The following RGS18 variants were observed in gnomAD, a reference collection of about 807,000 sequenced individuals.
The protein encoded by RGS18 is regulator of G-protein signaling 18.
Under a neutral mutation model 27.6 loss-of-function variants are expected in RGS18, and 22 were observed. The ratio of observed to expected loss-of-function variants is 0.80; its 90% confidence interval spans 0.57 to 1.14. The LOEUF is 1.14. Ranked by LOEUF, RGS18 falls within the 50% of genes most tolerant of loss-of-function variation. The probability of loss-of-function intolerance (pLI) is 0.00; values close to 1 mark genes in which losing one functional copy is unlikely to be tolerated. For missense variants in RGS18, 299 were observed against 269.6 expected, an observed-to-expected ratio of 1.11 and a Z score of -0.76; for synonymous variants, 89 against 84.6, an observed-to-expected ratio of 1.05 and a Z score of -0.29.
intron 3 of RGS18, among the ~76,000 whole-genome samples, chr1:192,165,022 C>A (rs922357048): frequency 3.3e-5 from 5 of 152,164 alleles, no homozygotes; most frequent in African/African-American, 1.2e-4. Context: ...CCGGGCAGGA[C>A]AGTCATATTT....
intron 2 of RGS18, 107 bp downstream of exon 2, chr1:192,159,428 T>C (rs1656032511): frequency 1.4e-6 from 1 of 707,336 alleles, no homozygotes; most frequent in Non-Finnish European, 2.4e-6. Context: ...TACACAGCAA[T>C]ATAAGGAAAG....
chr1:192,180,783 C>CCT (rs376248290), intron 3 of RGS18, among the ~76,000 whole-genome samples: 40 of 151,726 alleles, frequency 2.6e-4, no homozygotes, highest in African/African-American at 8.9e-4. Flanking sequence ...CATACTCGGG[C>CCT]CTATGGGTAT....
chr1:192,175,165 G>T (rs1186140331), intron 3 of RGS18, among the ~76,000 whole-genome samples: 1 of 151,290 alleles, frequency 6.6e-6, no homozygotes, highest in Non-Finnish European at 1.5e-5. Context: ...TTTGTCTTAG[G>T]TCTTTTTTAA....
chr1:192,159,184 C>A, intron 1 of RGS18, 36 bp from the exon 2 acceptor site: 8 of 1,469,224 alleles, frequency 5.4e-6, no homozygotes, highest in Non-Finnish European at 7.6e-6. Flanking sequence ...TAACTGTCAT[C>A]TAAATTGTCC....
intron 3 of RGS18, among the ~76,000 whole-genome samples, chr1:192,160,993 GC>G (rs1656059945): frequency 1.3e-5 from 2 of 152,080 alleles, no homozygotes; most frequent in African/African-American, 4.8e-5. Flanking sequence ...GGGACTACAG[GC>G]TCCCGCCACC....
chr1:192,159,062 C>A (rs1167189481), intron 1 of RGS18, among the ~76,000 whole-genome samples, 158 bp from the exon 2 acceptor site: 1 of 151,814 alleles, frequency 6.6e-6, no homozygotes. Context: ...CGTATGTTAC[C>A]CTAATTCCTC....
At chr1:192,171,260 A>G (rs897787175) in intron 3 of RGS18, among the ~76,000 whole-genome samples, 1 of 152,186 alleles carries the variant, frequency 6.6e-6, no homozygotes, top group South Asian at 2.1e-4. Context: ...TAACTGAGCT[A>G]GAGAAAGAAG....
chr1:192,164,140 T>C (rs12141770), intron 3 of RGS18, among the ~76,000 whole-genome samples: 94,703 of 151,766 alleles, frequency 0.62, 30,968 homozygotes, highest in East Asian at 0.79. Context: ...CATCATAAAC[T>C]GATTATTAGC....
At chr1:192,179,198 G>A (rs913009060) in intron 3 of RGS18, among the ~76,000 whole-genome samples, 1 of 151,572 alleles carries the variant, frequency 6.6e-6, no homozygotes, top group African/African-American at 2.4e-5. Context: ...ATGCTGCCAA[G>A]TGGGAAGTCC....
intron 3 of RGS18, among the ~76,000 whole-genome samples, chr1:192,163,966 T>C (rs1002560172): frequency 6.6e-5 from 10 of 151,890 alleles, no homozygotes; most frequent in African/African-American, 2.2e-4. Flanking sequence ...TTTCCTTTTA[T>C]AAAATTTTAT....
intron 2 of RGS18, among the ~76,000 whole-genome samples, chr1:192,159,973 CT>C (rs1403336757): frequency 1.3e-5 from 2 of 151,922 alleles, no homozygotes; most frequent in African/African-American, 4.8e-5. Context: ...GTGGTTACAG[CT>C]TCAAGGAAAT....
chr1:192,174,520 G>T (rs934041126), intron 3 of RGS18, among the ~76,000 whole-genome samples: 1 of 151,840 alleles, frequency 6.6e-6, no homozygotes, highest in African/African-American at 2.4e-5. Flanking sequence ...AGCAGAATTA[G>T]AATCTATACC....
intron 3 of RGS18, chr1:192,163,550 G>T (rs1032186221): frequency 3.9e-5 from 6 of 151,922 alleles, no homozygotes; most frequent in Non-Finnish European, 5.9e-5. Flanking sequence ...TGGTAATATT[G>T]AAGAACAGTA....
chr1:192,184,209 T>G (rs916601139), intron 4 of RGS18, 88 bp from the exon 5 acceptor site: 13 of 1,247,940 alleles, frequency 1.0e-5, no homozygotes, highest in Non-Finnish European at 1.5e-5. Flanking sequence ...AGATGCCCAC[T>G]CCAACATTGC....
At chr1:192,177,796 C>G (rs1035756236) in intron 3 of RGS18, among the ~76,000 whole-genome samples, 1 of 151,618 alleles carries the variant, frequency 6.6e-6, no homozygotes, top group African/African-American at 2.4e-5. Flanking sequence ...ACATGGCACA[C>G]GAATGGAACT....
At chr1:192,183,071 C>T (rs1656482350) in intron 4 of RGS18, among the ~76,000 whole-genome samples, 1 of 151,416 alleles carries the variant, frequency 6.6e-6, no homozygotes, top group Non-Finnish European at 1.5e-5. Flanking sequence ...CTTGACTGCC[C>T]TAAAATATTA....
At chr1:192,173,885 G>A (rs1476427465) in intron 3 of RGS18, among the ~76,000 whole-genome samples, 2 of 151,448 alleles carry the variant, frequency 1.3e-5, no homozygotes, top group African/African-American at 4.8e-5. Flanking sequence ...TAGTTTTTCT[G>A]TTACATATAT....
At chr1:192,164,400 G>A (rs1656127051) in intron 3 of RGS18, among the ~76,000 whole-genome samples, 3 of 151,976 alleles carry the variant, frequency 2.0e-5, no homozygotes, top group Admixed American at 2.0e-4. Context: ...AAAACAGAAA[G>A]GTCACTGATT....
At chr1:192,168,123 A>G (rs1171712724) in intron 3 of RGS18, 1 of 152,180 alleles carries the variant, frequency 6.6e-6, no homozygotes, top group African/African-American at 2.4e-5. Context: ...GCTGCCTTCT[A>G]AAGGACTGTT....
Sources: gnomAD v4.1 joint callset for allele counts (sites outside exome capture counted in the v4.1 genomes callset) on GRCh38, gnomAD v4.1.1 for gene constraint, MANE v1.5 for transcripts, NCBI Gene and HGNC (gene_info 2026-07-23, HGNC 2026-07-21) for gene names.